TBL1XR1: variants seen among roughly 807,000 people sequenced by gnomAD.
The protein encoded by TBL1XR1 is TBL1X/Y related 1.
A neutral mutation model predicts 66.9 loss-of-function variants in TBL1XR1; 5 were observed. The ratio of observed to expected loss-of-function variants is 0.07; its 90% confidence interval spans 0.04 to 0.16. The LOEUF (loss-of-function observed/expected upper bound fraction) is 0.16, where lower values mean the gene tolerates loss of function less well. Ranked by LOEUF, TBL1XR1 falls within the 10% of genes least tolerant of loss-of-function variation. The pLI is 1.00. For synonymous variants in TBL1XR1, 210 were observed against 206.0 expected (o/e 1.02, Z -0.17); for missense variants, 238 against 623.2 (o/e 0.38, Z 6.58).
chr3:177,140,468 G>C (rs189551126), intron 1 of TBL1XR1, among the ~76,000 whole-genome samples: 86 of 152,262 alleles, frequency 5.6e-4, no homozygotes, highest in African/African-American at 1.9e-3. Flanking sequence ...GAAAAAGCTT[G>C]AAAGCACTGC....
chr3:177,112,396 C>T (rs893130248), intron 1 of TBL1XR1, among the ~76,000 whole-genome samples: 19 of 151,866 alleles, frequency 1.3e-4, no homozygotes, highest in African/African-American at 3.1e-4. Context: ...GCACGAGCCA[C>T]GGCCCCCGGC....
intron 1 of TBL1XR1, among the ~76,000 whole-genome samples, chr3:177,114,109 TGTAGA>T (rs914170883): frequency 5.9e-5 from 9 of 152,026 alleles, no homozygotes; most frequent in Non-Finnish European, 8.8e-5. Flanking sequence ...TCTTGAAAAA[TGTAGA>T]GTAGATGTTA....
chr3:177,140,453 G>A (rs185479294), intron 1 of TBL1XR1, among the ~76,000 whole-genome samples: 77 of 152,212 alleles, frequency 5.1e-4, no homozygotes, highest in Non-Finnish European at 9.0e-4. Flanking sequence ...ATCAATTTAC[G>A]ACATGAAAAA....
chr3:177,035,877 G>A (rs1056974052), intron 12 of TBL1XR1, among the ~76,000 whole-genome samples: 1 of 152,130 alleles, frequency 6.6e-6, no homozygotes, highest in South Asian at 2.1e-4. Flanking sequence ...GGCCCTATCC[G>A]CTAGTGAGAC....
chr3:177,105,411 AG>A (rs773044557), intron 1 of TBL1XR1, among the ~76,000 whole-genome samples: 6 of 152,148 alleles, frequency 3.9e-5, no homozygotes, highest in East Asian at 1.9e-4. Context: ...AATAATATGA[AG>A]GGGGGATATC....
chr3:177,026,223 T>G (rs759036011), intron 15 of TBL1XR1, 150 bp downstream of exon 15: 13 of 637,396 alleles, frequency 2.0e-5, no homozygotes, highest in Non-Finnish European at 3.2e-5. Context: ...CCAACGCACA[T>G]GAAAAGTTTA....
chr3:177,094,242 A>G (rs891894708), intron 2 of TBL1XR1, among the ~76,000 whole-genome samples: 2 of 152,254 alleles, frequency 1.3e-5, no homozygotes, highest in African/African-American at 4.8e-5. Context: ...ATCACTAAAA[A>G]TAAGAGAAAT....
At chr3:177,117,329 T>C (rs1560194747) in intron 1 of TBL1XR1, among the ~76,000 whole-genome samples, 1 of 152,216 alleles carries the variant, frequency 6.6e-6, no homozygotes, top group Non-Finnish European at 1.5e-5. Context: ...CTGGGAAAGA[T>C]ATTTTCAGCA....
chr3:177,159,903 T>A (rs537074171), intron 1 of TBL1XR1, among the ~76,000 whole-genome samples: 18 of 152,272 alleles, frequency 1.2e-4, no homozygotes, highest in Non-Finnish European at 2.1e-4. Flanking sequence ...TGTTTAAAAA[T>A]TTTTTAAGCT....
At chr3:177,134,366 T>C (rs1014973274) in intron 1 of TBL1XR1, among the ~76,000 whole-genome samples, 6 of 152,100 alleles carry the variant, frequency 3.9e-5, no homozygotes, top group Non-Finnish European at 7.4e-5. Context: ...CCTGGTCTAT[T>C]GGGAGCAGAG....
chr3:177,171,765 T>G (rs188520234), intron 1 of TBL1XR1, among the ~76,000 whole-genome samples: 2 of 151,218 alleles, frequency 1.3e-5, no homozygotes, highest in East Asian at 3.9e-4. Flanking sequence ...CCAGGGCTTT[T>G]TGGAGAAATG....
At chr3:177,170,392 C>A (rs895106471) in intron 1 of TBL1XR1, among the ~76,000 whole-genome samples, 4 of 152,100 alleles carry the variant, frequency 2.6e-5, no homozygotes, top group African/African-American at 9.7e-5. Context: ...TCTTCCCCCA[C>A]CCCTCCACAA....
At chr3:177,156,742 C>A (rs75297533) in intron 1 of TBL1XR1, among the ~76,000 whole-genome samples, 2,059 of 152,038 alleles carry the variant, frequency 0.014, 65 homozygotes, top group African/African-American at 0.047. Flanking sequence ...AACTAAAACA[C>A]AAGGAGATAC....
Position 177,023,829 on chromosome 3 carries a change from G to C in TBL1XR1, c.*1669C>G, listed in dbSNP as rs571703787. 5 of 152,314 alleles carry C rather than the reference G, an allele frequency of 3.3e-5. No homozygotes were observed. Among genetic ancestry groups the C allele is most frequent in the African/African-American group, 1.2e-4 (5 of 41,438 alleles). The allele number at this position is 152,314 out of a possible 1,614,324, so 9.4% of individuals were successfully genotyped here. A position where few individuals can be genotyped will look rare whatever the true frequency, so the allele number is the denominator to read the frequency against. ...CTCAAAATAATTAGTGACAGAAATA[G>C]TGTTATTAATTTGCTAAGCTCAACA... On this transcript the variant is annotated 3_prime_UTR_variant, in exon 16 of 16. Coordinates refer to ENST00000457928, the MANE Select transcript of TBL1XR1 (RefSeq NM_024665.7).
At chr3:177,068,563 T>C (rs1276612872) in intron 2 of TBL1XR1, among the ~76,000 whole-genome samples, 4 of 152,244 alleles carry the variant, frequency 2.6e-5, no homozygotes, top group African/African-American at 9.6e-5. Context: ...GTGAGCTGAA[T>C]ATGTACAGCA....
intron 2 of TBL1XR1, among the ~76,000 whole-genome samples, chr3:177,084,087 CAA>C (rs36022409): frequency 2.4e-4 from 18 of 74,042 alleles, no homozygotes; most frequent in Non-Finnish European, 3.3e-4. Context: ...GACTCCGTCT[CAA>C]AAAAAAAAAA....
At chr3:177,084,184 C>T (rs1721839468) in intron 2 of TBL1XR1, among the ~76,000 whole-genome samples, 1 of 151,746 alleles carries the variant, frequency 6.6e-6, no homozygotes, top group Non-Finnish European at 1.5e-5. Flanking sequence ...TTTTAACAAA[C>T]GTATGTACCT....
At chr3:177,158,011 C>G (rs73171127) in intron 1 of TBL1XR1, among the ~76,000 whole-genome samples, 4,338 of 152,026 alleles carry the variant, frequency 0.029, 71 homozygotes, top group Non-Finnish European at 0.044. Context: ...TCCCCCCACC[C>G]CCAAGGCTAA....
Position 177,138,081 on chromosome 3 carries a change from C to A in TBL1XR1, c.-121-39540G>T, listed in dbSNP as rs560755380. ...AAAGTAAAACAGACTGACAAAAAAA[C>A]CCACGTTTAAGACATGAAAGGCTTT... is the stretch of plus-strand genomic sequence containing the variant. On this transcript the variant is annotated intron_variant, in intron 1 of 15. Transcript: ENST00000457928. 3.3e-4 allele frequency among the ~76,000 whole-genome samples: 50 copies of A among 152,176 alleles called. 1 individual carries two copies. The highest frequency in any genetic ancestry group is 1.1e-3 in the African/African-American group (46 of 41,508).
Sources: gnomAD v4.1 joint callset for allele counts (sites outside exome capture counted in the v4.1 genomes callset) on GRCh38, gnomAD v4.1.1 for gene constraint, MANE v1.5 for transcripts, NCBI Gene and HGNC (gene_info 2026-07-23, HGNC 2026-07-21) for gene names.